SPARC: variants seen among roughly 807,000 people sequenced by gnomAD.
SPARC encodes basement-membrane protein 40.
Under a neutral mutation model 37.7 loss-of-function variants are expected in SPARC, and 23 were observed. That is an observed-to-expected ratio of 0.61 (90% CI 0.44 to 0.87). The LOEUF is 0.87. Among genes scored for constraint, SPARC ranks in the 40% least tolerant of loss-of-function variants. SPARC has a pLI of 0.00. For synonymous variants in SPARC, 155 were observed against 150.8 expected (o/e 1.03, Z -0.20); for missense variants, 312 against 389.0 (o/e 0.80, Z 1.66).
intron 1 of SPARC, among the ~76,000 whole-genome samples, chr5:151,686,150 T>C (rs1487507856): frequency 6.6e-6 from 1 of 152,132 alleles, no homozygotes; most frequent in Non-Finnish European, 1.5e-5. Context: ...GGTTTTCAGA[T>C]CTAGATAAAC....
At chr5:151,668,626 C>T (rs1760682024) in intron 6 of SPARC, among the ~76,000 whole-genome samples, 1 of 152,094 alleles carries the variant, frequency 6.6e-6, no homozygotes, top group African/African-American at 2.4e-5. Flanking sequence ...TGTGAGGCTA[C>T]CTTCATCATC....
chr5:151,679,874 A>G (rs1176436214), intron 1 of SPARC: 1 of 152,230 alleles, frequency 6.6e-6, no homozygotes, highest in Non-Finnish European at 1.5e-5. Flanking sequence ...TGTGGGTCTC[A>G]GAATGATAGA....
chr5:151,680,216 C>CTTTTTTTTTTTTTTTT lies in SPARC; in HGVS notation c.-13-4031_-13-4016dup, dbSNP rs58021431. Among the ~76,000 whole-genome samples the CTTTTTTTTTTTTTTTT allele has an allele frequency of 2.6e-4, 16 of 61,978 alleles. 3 individuals carry two copies. The highest frequency in any genetic ancestry group is 1.2e-3 in the African/African-American group (16 of 13,350). 40.7% of individuals were successfully genotyped at this position (61,978 alleles called of 152,430 possible). A position where few individuals can be genotyped will look rare whatever the true frequency, so the allele number is the denominator to read the frequency against. On this transcript the variant is annotated intron_variant, in intron 1 of 9. Transcript: ENST00000231061. ...TGCAATAGAGAATAGTGGAAAACAT[C>CTTTTTTTTTTTTTTTT]TTTTTTTTTTTTTTTTTTTTTTTTT... is the stretch of plus-strand genomic sequence containing the variant.
chr5:151,665,504 C>T (rs1359061890), intron 8 of SPARC, among the ~76,000 whole-genome samples: 7 of 152,130 alleles, frequency 4.6e-5, no homozygotes, highest in Non-Finnish European at 8.8e-5. Context: ...AGAGGAAGTT[C>T]CCTGAGTATG....
chr5:151,666,591 GC>G, intron 7 of SPARC, 82 bp from the exon 8 acceptor site: 1 of 1,351,584 alleles, frequency 7.4e-7, no homozygotes, highest in Non-Finnish European at 1.0e-6. Context: ...CTCCCAGAAG[GC>G]CAGAGCAGGC....
At chr5:151,678,858 C>T (rs1760921151) in intron 1 of SPARC, among the ~76,000 whole-genome samples, 1 of 152,180 alleles carries the variant, frequency 6.6e-6, no homozygotes, top group Non-Finnish European at 1.5e-5. Flanking sequence ...TCCAAGAGCA[C>T]TTTTCCCCCA....
intron 5 of SPARC, 135 bp from the exon 6 acceptor site, chr5:151,669,919 G>A: frequency 8.0e-7 from 1 of 1,246,070 alleles, no homozygotes; most frequent in Non-Finnish European, 1.1e-6. Flanking sequence ...CATATAGTGA[G>A]TTAGTGATAG....
intron 1 of SPARC, among the ~76,000 whole-genome samples, chr5:151,681,630 G>T (rs1054778594): frequency 1.3e-5 from 2 of 152,226 alleles, no homozygotes; most frequent in African/African-American, 4.8e-5. Context: ...AATGGCTCAC[G>T]CCTGTAATCC....
rs971362176 is a variant in SPARC, at chr5:151,664,027, C to A, written c.883+60G>T. ...GAGCGGAGAGTGGGGGGATGACAAC[C>A]CAGCACCCTGGGAGCAGTGTTTCTG... On this transcript the variant is annotated intron_variant, in intron 9 of 9. Coordinates refer to ENST00000231061, the MANE Select transcript of SPARC (RefSeq NM_003118.4). 7 of 1,603,720 alleles carry A rather than the reference C, an allele frequency of 4.4e-6. No individual in the cohort carries two copies. In the African/African-American group the frequency reaches 9.4e-5, roughly 21 times the overall value.
chr5:151,676,059 G>T (rs1760849173), intron 2 of SPARC, 73 bp downstream of exon 2: 1 of 1,274,690 alleles, frequency 7.8e-7, no homozygotes. Flanking sequence ...CAGCATCCAG[G>T]GCTGGCAGGC....
rs1760784618 is a variant in SPARC, at chr5:151,673,178, T to G, written c.159A>C (p.Gly53=). Residue 53 remains glycine (G), a synonymous_variant, in exon 4 of 10, where the codon GGA becomes GGC. Coordinates refer to ENST00000231061, the MANE Select transcript of SPARC (RefSeq NM_003118.4). ...VGANPVQVEV[G]EFDDGAEETE... is the part of the protein sequence containing the mutation. Reference sequence around the variant, plus strand: ...TTTCCTCTGCACCATCATCAAATTCTCCTACTTCCACCTGGACAGGATTAG... The same window carrying G: ...TTTCCTCTGCACCATCATCAAATTCGCCTACTTCCACCTGGACAGGATTAG... 6 of 1,613,926 alleles carry G rather than the reference T, an allele frequency of 3.7e-6. No individual in the cohort carries two copies. The highest frequency in any genetic ancestry group is 3.3e-5 in the Admixed American group (2 of 60,000).
intron 1 of SPARC, among the ~76,000 whole-genome samples, chr5:151,682,697 G>A (rs138110068): frequency 6.6e-6 from 1 of 152,314 alleles, no homozygotes; most frequent in African/African-American, 2.4e-5. Flanking sequence ...CTTAGAGAAG[G>A]AAAATACCTC....
chr5:151,665,975 C>T (rs933288418), intron 8 of SPARC, among the ~76,000 whole-genome samples: 1 of 152,160 alleles, frequency 6.6e-6, no homozygotes, highest in African/African-American at 2.4e-5. Context: ...TAGACAGTGC[C>T]AGGTGGCTGC....
intron 4 of SPARC, among the ~76,000 whole-genome samples, chr5:151,672,099 G>A (rs957558449): frequency 1.5e-4 from 23 of 152,302 alleles, no homozygotes; most frequent in African/African-American, 5.1e-4. Flanking sequence ...TGTTGACACT[G>A]AGCCAGGGAG....
At chr5:151,686,063 C>A (rs1218096306) in intron 1 of SPARC, 1 of 152,186 alleles carries the variant, frequency 6.6e-6, no homozygotes, top group East Asian at 1.9e-4. Context: ...CCCCCTTTCC[C>A]CCTTCTGAGA....
intron 1 of SPARC, chr5:151,685,102 AGAG>A (rs781472491): frequency 4.6e-5 from 7 of 152,210 alleles, no homozygotes; most frequent in Non-Finnish European, 8.8e-5. Flanking sequence ...TGAGTCAGGC[AGAG>A]AAGAGCCTTC....
chr5:151,673,059 T>C, intron 4 of SPARC, 70 bp downstream of exon 4: 1 of 1,049,404 alleles, frequency 9.5e-7, no homozygotes, highest in Non-Finnish European at 1.5e-6. Context: ...TCATGTAGGC[T>C]GTCCTCGTGC....
chr5:151,670,878 T>C (rs975839079), intron 5 of SPARC, among the ~76,000 whole-genome samples: 1 of 152,052 alleles, frequency 6.6e-6, no homozygotes, highest in African/African-American at 2.4e-5. Context: ...GGCTATGTAG[T>C]CTCTGGAGAA....
At position 151,663,990 on chromosome 5, in the gene SPARC, G is replaced by A; in HGVS notation, c.883+97C>T. 2.8e-6 allele frequency: 4 copies of A among 1,444,566 alleles called. No individual in the cohort carries two copies. In the South Asian group the frequency reaches 4.8e-5, roughly 17 times the overall value. 89.5% of individuals were successfully genotyped at this position (1,444,566 alleles called of 1,614,324 possible). On this transcript the variant is annotated intron_variant, in intron 9 of 9. Coordinates refer to ENST00000231061, the MANE Select transcript of SPARC (RefSeq NM_003118.4). ...AGACAGGCAGAGAGGACAGACAACA[G>A]ACAGACCAAGAGAGCGGAGAGTGGG... is the stretch of plus-strand genomic sequence containing the variant.
Sources: gnomAD v4.1 joint callset for allele counts (sites outside exome capture counted in the v4.1 genomes callset) on GRCh38, gnomAD v4.1.1 for gene constraint, MANE v1.5 for transcripts, NCBI Gene and HGNC (gene_info 2026-07-23, HGNC 2026-07-21) for gene names.